Variants in POLR1A observed in about 807,000 individuals in gnomAD.
POLR1A encodes RNA polymerase I subunit A, also known as DNA-directed RNA polymerase I subunit RPA1.
POLR1A carries 84 observed loss-of-function variants against 205.3 expected under a neutral mutation model. The ratio of observed to expected loss-of-function variants is 0.41; its 90% CI spans 0.34 to 0.49. The LOEUF (loss-of-function observed/expected upper bound fraction) is 0.49, where lower values mean the gene tolerates loss of function less well. POLR1A is among the 20% of genes least tolerant of loss of function. POLR1A has a pLI of 0.22. For missense variants in POLR1A, 1,645 were observed against 2,204.5 expected (o/e 0.75, Z 5.08); for synonymous variants, 799 against 863.7 (o/e 0.93, Z 1.31).
At chr2:86,055,123 C>T (rs1374988537) in intron 14 of POLR1A, among the ~76,000 whole-genome samples, 4 of 152,158 alleles carry the variant, frequency 2.6e-5, no homozygotes, top group African/African-American at 9.6e-5. Context: ...GGTGAAACCC[C>T]ATCTCTACTA....
chr2:86,085,148 A>T (rs1246919776), intron 6 of POLR1A, among the ~76,000 whole-genome samples: 1 of 152,026 alleles, frequency 6.6e-6, no homozygotes, highest in Non-Finnish European at 1.5e-5. Context: ...TTTTTAGTAG[A>T]GACGGGGTTT....
intron 1 of POLR1A, 67 bp downstream of exon 1, chr2:86,105,633 G>A: frequency 2.8e-6 from 3 of 1,077,786 alleles, no homozygotes; most frequent in South Asian, 1.3e-5. Flanking sequence ...AAGCGCTTCT[G>A]GGAATCGTAG....
At chr2:86,071,158 G>A (rs1673171509) in intron 12 of POLR1A, among the ~76,000 whole-genome samples, 1 of 147,332 alleles carries the variant, frequency 6.8e-6, no homozygotes, top group African/African-American at 2.4e-5. Flanking sequence ...AAAAACCCAG[G>A]TGGCATGTGA....
At chr2:86,039,593 G>C in intron 25 of POLR1A, 131 bp from the exon 26 acceptor site, 1 of 1,085,140 alleles carries the variant, frequency 9.2e-7, no homozygotes, top group South Asian at 1.5e-5. Context: ...GGGATAATAT[G>C]CTAGATCAGA....
intron 18 of POLR1A, among the ~76,000 whole-genome samples, chr2:86,048,035 A>G (rs1672738161): frequency 6.6e-6 from 1 of 152,202 alleles, no homozygotes; most frequent in Admixed American, 6.5e-5. Flanking sequence ...AGCTCCTGTC[A>G]ACAAAACCCC....
At chr2:86,103,441 G>C (rs184576165) in intron 1 of POLR1A, among the ~76,000 whole-genome samples, 2 of 152,192 alleles carry the variant, frequency 1.3e-5, no homozygotes, top group African/African-American at 4.8e-5. Flanking sequence ...TTTTTACTCT[G>C]AGTGAGATGG....
Position 86,039,370 on chromosome 2 carries a change from A to G in POLR1A, c.3833T>C (p.Val1278Ala), listed in dbSNP as rs1672557030. 2.5e-6 allele frequency: 4 copies of G among 1,613,714 alleles called. No individual in the cohort carries two copies. The highest frequency in any genetic ancestry group is 3.4e-6 in the Non-Finnish European group (4 of 1,179,922). Residue 1278 changes from valine to alanine, a missense_variant, in exon 26 of 34, where the codon GTG becomes GCG. Physicochemically the swap from Val to Ala is moderately conservative, Grantham distance 64. Transcript: ENST00000263857. ...GGTGAGTTGCTTCTTCAGGCTTTTC[A>G]CTCTCTTCAGGGCTTTCTTGGTGTT... ...VLNTKKALKR[V>A]KSLKKQLTRV...
intron 3 of POLR1A, among the ~76,000 whole-genome samples, chr2:86,096,668 T>C (rs1673709101): frequency 6.6e-6 from 1 of 152,076 alleles, no homozygotes; most frequent in Admixed American, 6.5e-5. Flanking sequence ...GAACATACAC[T>C]GGGGAAAAGG....
At chr2:86,097,324 A>C (rs1195850944) in intron 3 of POLR1A, among the ~76,000 whole-genome samples, 1 of 151,278 alleles carries the variant, frequency 6.6e-6, no homozygotes, top group Admixed American at 6.6e-5. Flanking sequence ...CCACTACGGG[A>C]AACATATGAA....
chr2:86,043,216 AC>A, intron 22 of POLR1A, 21 bp from the exon 23 acceptor site: 2 of 1,570,434 alleles, frequency 1.3e-6, no homozygotes, highest in Non-Finnish European at 1.7e-6. Context: ...AAACAAAAAA[AC>A]AAACAAACAA....
chr2:86,041,277 AGTGT>A (rs2104389106), intron 24 of POLR1A, among the ~76,000 whole-genome samples: 1 of 137,306 alleles, frequency 7.3e-6, no homozygotes, highest in African/African-American at 2.9e-5. Flanking sequence ...GCTGATCTAC[AGTGT>A]CTGTGTGTGT....
Position 86,025,060 on chromosome 2 carries a change from T to A in POLR1A, c.*2363A>T, listed in dbSNP as rs56673339. 6.6e-6 allele frequency: 1 copy of A among 152,102 alleles called. No individual in the cohort carries two copies. The highest frequency in any genetic ancestry group is 1.5e-5 in the Non-Finnish European group (1 of 68,028). The allele number at this position is 152,102 out of a possible 1,614,324, so 9.4% of individuals were successfully genotyped here. The stretch of plus-strand genomic sequence containing the variant: ...GCTGAGGCAGGAGAATCGCTTGAAC[T>A]CGGGAGATGGAGGTTGCAGTGGAGC... On this transcript the variant is annotated 3_prime_UTR_variant, in exon 34 of 34. Coordinates refer to ENST00000263857, the MANE Select transcript of POLR1A (RefSeq NM_015425.6).
chr2:86,030,599 G>C (rs900984353), intron 30 of POLR1A, among the ~76,000 whole-genome samples: 8 of 152,182 alleles, frequency 5.3e-5, no homozygotes, highest in African/African-American at 1.9e-4. Flanking sequence ...CAGATTCAGG[G>C]GGAAACAGTG....
chr2:86,025,700 TGTG>T lies in POLR1A; in HGVS notation c.*1720_*1722del. The T allele has an allele frequency of 6.6e-6, 1 of 152,302 alleles. No individual in the cohort carries two copies. The highest frequency in any genetic ancestry group is 1.5e-5 in the Non-Finnish European group (1 of 68,084). The allele number at this position is 152,302 out of a possible 1,614,324, so 9.4% of individuals were successfully genotyped here. On this transcript the variant is annotated 3_prime_UTR_variant, in exon 34 of 34. Coordinates refer to ENST00000263857, the MANE Select transcript of POLR1A (RefSeq NM_015425.6). ...TGGGAGAGATGGAATCCACGGACCC[TGTG>T]CCACAGTCACCAGGTTACTTTGTGA...
chr2:86,075,000 G>A (rs775922651), intron 12 of POLR1A, 30 bp downstream of exon 12: 1 of 1,468,526 alleles, frequency 6.8e-7, no homozygotes, highest in Non-Finnish European at 9.4e-7. Context: ...GGAGCCGGAT[G>A]GGTCCCTGAC....
chr2:86,071,227 C>CGTGTGCGCGCGCGTGTGT lies in POLR1A; in HGVS notation c.1612-956_1612-955insACACACGCGCGCGCACAC, dbSNP rs1558777042. On this transcript the variant is annotated intron_variant, in intron 12 of 33. Coordinates refer to ENST00000263857, the MANE Select transcript of POLR1A (RefSeq NM_015425.6). ...CCCAGCTTCTCTCTCTCTCCGTGTG[C>CGTGTGCGCGCGCGTGTGT]ATGTGTGTGTGTGTGTGTGTGTGTG... is the stretch of plus-strand genomic sequence containing the variant. Among the ~76,000 whole-genome samples the CGTGTGCGCGCGCGTGTGT allele has an allele frequency of 1.8e-4, 27 of 147,356 alleles. No individual in the cohort carries two copies. In the East Asian group the frequency reaches 2.7e-3, roughly 15 times the overall value.
chr2:86,052,809 G>A lies in POLR1A; in HGVS notation c.2392+8C>T, dbSNP rs1258229241. 3.3e-6 allele frequency: 5 copies of A among 1,508,724 alleles called. No individual in the cohort carries two copies. In the East Asian group the frequency reaches 1.0e-4, roughly 31 times the overall value. 93.5% of individuals were successfully genotyped at this position (1,508,724 alleles called of 1,614,324 possible). A position where few individuals can be genotyped will look rare whatever the true frequency, so the allele number is the denominator to read the frequency against. ...TCACTGCCCCAGGGCAGCGAGCCCG[G>A]CACTTACCCAAGGTGAAGCCTCTGT... On this transcript the variant is annotated splice_region_variant and intron_variant, in intron 16 of 33. Coordinates refer to ENST00000263857, the MANE Select transcript of POLR1A (RefSeq NM_015425.6).
intron 33 of POLR1A, 144 bp from the exon 34 acceptor site, chr2:86,027,667 C>A (rs995536433): frequency 3.6e-6 from 3 of 837,722 alleles, no homozygotes; most frequent in Admixed American, 4.1e-5. Flanking sequence ...AGGCAGCCCC[C>A]CTCTAGCACT....
chr2:86,046,501 G>A (rs1195289110), intron 19 of POLR1A, among the ~76,000 whole-genome samples: 1 of 152,052 alleles, frequency 6.6e-6, no homozygotes, highest in Non-Finnish European at 1.5e-5. Context: ...GGTCACCAAG[G>A]TTTAAGGTTA....
Sources: allele counts gnomAD v4.1 joint callset (sites outside exome capture counted in the v4.1 genomes callset), GRCh38; gene constraint gnomAD v4.1.1; transcripts MANE v1.5; gene names NCBI Gene and HGNC (gene_info 2026-07-23, HGNC 2026-07-21).